The following ZFAND3 variants were observed in gnomAD, a reference collection of about 807,000 sequenced individuals.
ZFAND3 encodes zinc finger AN1-type containing 3.
Under a neutral mutation model 29.6 loss-of-function variants are expected in ZFAND3, and 10 were observed. The ratio of observed to expected loss-of-function variants is 0.34; its 90% confidence interval spans 0.21 to 0.57. The LOEUF is 0.57. ZFAND3 is among the 20% of genes least tolerant of loss of function. ZFAND3 has a pLI of 0.86. For synonymous variants in ZFAND3, 128 were observed against 112.6 expected (o/e 1.14, Z -0.87); for missense variants, 230 against 304.5 (o/e 0.76, Z 1.82).
chr6:38,080,062 A>T (rs1213900731), intron 3 of ZFAND3, among the ~76,000 whole-genome samples: 2 of 151,824 alleles, frequency 1.3e-5, no homozygotes, highest in South Asian at 4.1e-4. Context: ...CTCCAAAAAA[A>T]AAAAAACACC....
intron 5 of ZFAND3, among the ~76,000 whole-genome samples, chr6:38,121,536 G>GT (rs1256970187): frequency 1.3e-5 from 2 of 152,112 alleles, no homozygotes; most frequent in Non-Finnish European, 2.9e-5. Flanking sequence ...CAGCCTTTCT[G>GT]TTTTTTTATG....
chr6:38,092,164 T>C (rs1056579358), intron 4 of ZFAND3, among the ~76,000 whole-genome samples: 3 of 152,200 alleles, frequency 2.0e-5, no homozygotes, highest in East Asian at 1.9e-4. Flanking sequence ...TGTAATCTTA[T>C]TGTATAGTCT....
At chr6:38,084,678 G>A (rs1025102904) in intron 4 of ZFAND3, among the ~76,000 whole-genome samples, 8 of 152,252 alleles carry the variant, frequency 5.3e-5, no homozygotes, top group Admixed American at 2.0e-4. Context: ...TTAGATCTCC[G>A]TTAGTGAAAT....
chr6:37,864,713 TTATG>T (rs1040931511), intron 1 of ZFAND3, among the ~76,000 whole-genome samples: 11 of 149,934 alleles, frequency 7.3e-5, no homozygotes, highest in African/African-American at 2.5e-4. Flanking sequence ...GTTCATATGT[TTATG>T]TATGTTTATA....
chr6:38,084,963 TA>T (rs1764729475), intron 4 of ZFAND3, among the ~76,000 whole-genome samples: 1 of 152,234 alleles, frequency 6.6e-6, no homozygotes, highest in African/African-American at 2.4e-5. Flanking sequence ...GCCCTGACTC[TA>T]AAGGACAGAG....
intron 3 of ZFAND3, among the ~76,000 whole-genome samples, chr6:38,067,058 C>T (rs1581889275): frequency 6.6e-6 from 1 of 152,176 alleles, no homozygotes; most frequent in African/African-American, 2.4e-5. Flanking sequence ...GTAATGGTAA[C>T]GGCTCACAAC....
chr6:37,890,867 A>G (rs1333068933), intron 1 of ZFAND3, among the ~76,000 whole-genome samples: 1 of 152,222 alleles, frequency 6.6e-6, no homozygotes, highest in Non-Finnish European at 1.5e-5. Context: ...AATTCATCCT[A>G]GTTTTCAGTA....
chr6:37,870,054 A>G (rs1487080024), intron 1 of ZFAND3, among the ~76,000 whole-genome samples: 2 of 152,060 alleles, frequency 1.3e-5, no homozygotes, highest in East Asian at 1.9e-4. Flanking sequence ...GTTGAATTCC[A>G]CAAATTTCGG....
chr6:38,040,531 T>C (rs1417426891), intron 2 of ZFAND3, among the ~76,000 whole-genome samples: 1 of 152,222 alleles, frequency 6.6e-6, no homozygotes, highest in Non-Finnish European at 1.5e-5. Flanking sequence ...TTTAAAACTT[T>C]AGTTTTGATG....
At chr6:38,146,688 G>A (rs939061019) in intron 5 of ZFAND3, among the ~76,000 whole-genome samples, 8 of 152,166 alleles carry the variant, frequency 5.3e-5, no homozygotes, top group African/African-American at 1.9e-4. Context: ...ACATTTAGCA[G>A]GCAGATTACA....
intron 4 of ZFAND3, among the ~76,000 whole-genome samples, chr6:38,098,471 A>G (rs1765026614): frequency 6.6e-6 from 1 of 151,520 alleles, no homozygotes; most frequent in African/African-American, 2.4e-5. Flanking sequence ...TTCTAAATGA[A>G]TGTTGTAAGA....
chr6:38,009,410 A>C (rs1211260663), intron 2 of ZFAND3, among the ~76,000 whole-genome samples: 1 of 152,208 alleles, frequency 6.6e-6, no homozygotes, highest in Non-Finnish European at 1.5e-5. Context: ...ATACTGCTGA[A>C]TATCAGGTTA....
At chr6:38,130,660 A>G (rs6925864) in intron 5 of ZFAND3, among the ~76,000 whole-genome samples, 77,880 of 151,926 alleles carry the variant, frequency 0.51, 20,711 homozygotes, top group African/African-American at 0.59. Flanking sequence ...TTGGTATGAA[A>G]CCCATTTGAT....
At chr6:38,007,349 C>G (rs754789759) in intron 2 of ZFAND3, among the ~76,000 whole-genome samples, 1 of 152,038 alleles carries the variant, frequency 6.6e-6, no homozygotes, top group African/African-American at 2.4e-5. Flanking sequence ...CGCTTGAGCT[C>G]AGGAGTTCAG....
At chr6:38,045,906 G>A (rs1196361176) in intron 2 of ZFAND3, among the ~76,000 whole-genome samples, 1 of 152,204 alleles carries the variant, frequency 6.6e-6, no homozygotes, top group Non-Finnish European at 1.5e-5. Flanking sequence ...GAAATACTGT[G>A]TAAGCAGTTC....
At chr6:37,911,256 C>G (rs1382077075) in intron 1 of ZFAND3, among the ~76,000 whole-genome samples, 1 of 152,076 alleles carries the variant, frequency 6.6e-6, no homozygotes, top group Non-Finnish European at 1.5e-5. Flanking sequence ...GATAACTATT[C>G]CACTGCAGTT....
chr6:37,901,734 A>G (rs914659848), intron 1 of ZFAND3, among the ~76,000 whole-genome samples: 1 of 152,216 alleles, frequency 6.6e-6, no homozygotes, highest in Non-Finnish European at 1.5e-5. Flanking sequence ...TTTTGAATGA[A>G]AGCAGTGAGG....
Position 37,977,495 on chromosome 6 carries a change from G to A in ZFAND3, c.112+47496G>A, listed in dbSNP as rs1021479259. On this transcript the variant is annotated intron_variant, in intron 2 of 5. Coordinates refer to ENST00000287218, the MANE Select transcript of ZFAND3 (RefSeq NM_021943.3). ...TTTTGTATTTTTAGTAGAGACGGGG[G>A]TTTCACCATGTTGACCAGGCTGGTC... Among the ~76,000 whole-genome samples, 136 of 151,986 alleles carry A rather than the reference G, an allele frequency of 8.9e-4. 2 individuals carry two copies. Among genetic ancestry groups the A allele is most frequent in the African/African-American group, 3.2e-3 (132 of 41,356 alleles).
At chr6:38,065,923 G>C (rs1186275250) in intron 3 of ZFAND3, among the ~76,000 whole-genome samples, 1 of 152,188 alleles carries the variant, frequency 6.6e-6, no homozygotes, top group Non-Finnish European at 1.5e-5. Flanking sequence ...TAAGTTAAGT[G>C]CTGAGTATAG....
Sources: allele counts gnomAD v4.1 joint callset (sites outside exome capture counted in the v4.1 genomes callset), GRCh38; gene constraint gnomAD v4.1.1; transcripts MANE v1.5; gene names NCBI Gene and HGNC (gene_info 2026-07-23, HGNC 2026-07-21).